Variants in OR3A2 observed in about 807,000 individuals in gnomAD.
OR3A2 encodes olfactory receptor family 3 subfamily A member 2, also known as olfactory receptor 3A2.
For synonymous variants in OR3A2, 126 were observed against 159.3 expected, an observed-to-expected ratio of 0.79 and a Z score of 1.57; for missense variants, 318 against 392.8, an observed-to-expected ratio of 0.81 and a Z score of 1.61.
At chr17:3,384,648 T>C (rs2049763891) in intron 1 of OR3A2, among the ~76,000 whole-genome samples, 1 of 152,146 alleles carries the variant, frequency 6.6e-6, no homozygotes, top group Non-Finnish European at 1.5e-5. Flanking sequence ...GTCAAACTGT[T>C]TGGGGGCAGA....
chr17:3,351,880 A>AT (rs1187589398), intron 2 of OR3A2, among the ~76,000 whole-genome samples: 2 of 151,774 alleles, frequency 1.3e-5, no homozygotes, highest in African/African-American at 4.8e-5. Context: ...ATAACACCGC[A>AT]TATCTACAAC....
intron 3 of OR3A2, among the ~76,000 whole-genome samples, chr17:3,328,058 A>G (rs1272457886): frequency 6.9e-6 from 1 of 145,410 alleles, no homozygotes; most frequent in Non-Finnish European, 1.5e-5. Context: ...TTGGTTCCAT[A>G]TGAACTTTAA....
At chr17:3,292,503 T>G in intron 3 of OR3A2, 1 of 1,613,818 alleles carries the variant, frequency 6.2e-7, no homozygotes, top group Non-Finnish European at 8.5e-7. Flanking sequence ...GACAACTGGC[T>G]GCAGCCCTGG....
intron 2 of OR3A2, among the ~76,000 whole-genome samples, chr17:3,338,655 G>A (rs918766521): frequency 6.6e-6 from 1 of 152,200 alleles, no homozygotes; most frequent in Non-Finnish European, 1.5e-5. Flanking sequence ...CCAGTACCAT[G>A]CTGTTTTGGT....
intron 3 of OR3A2, among the ~76,000 whole-genome samples, chr17:3,294,400 G>T (rs1211738841): frequency 6.6e-6 from 1 of 151,854 alleles, no homozygotes; most frequent in Non-Finnish European, 1.5e-5. Flanking sequence ...TTTAAAAGAT[G>T]ACAAGATGCA....
chr17:3,306,974 C>T (rs150644743), intron 3 of OR3A2, among the ~76,000 whole-genome samples: 39 of 152,320 alleles, frequency 2.6e-4, no homozygotes, highest in African/African-American at 8.7e-4. Context: ...CACACGCACG[C>T]GTGCTTGTGT....
At chr17:3,356,830 T>G (rs1567566398) in intron 2 of OR3A2, among the ~76,000 whole-genome samples, 1 of 151,648 alleles carries the variant, frequency 6.6e-6, no homozygotes, top group Non-Finnish European at 1.5e-5. Flanking sequence ...AACTGTCTCA[T>G]CTTTCTAAAC....
intron 3 of OR3A2, among the ~76,000 whole-genome samples, chr17:3,335,292 T>A (rs2049268505): frequency 2.6e-5 from 4 of 152,196 alleles, no homozygotes. Flanking sequence ...CCATAAATTT[T>A]AAAAAATGTT....
intron 3 of OR3A2, chr17:3,310,928 A>T (rs773332268): frequency 6.4e-6 from 4 of 626,836 alleles, no homozygotes; most frequent in South Asian, 2.7e-5. Flanking sequence ...TTGTAGCAGC[A>T]GCTTTCATGG....
upstream of OR3A2, among the ~76,000 whole-genome samples, chr17:3,284,827 A>G (rs2048798087): frequency 8.6e-6 from 1 of 115,834 alleles, no homozygotes; most frequent in African/African-American, 4.0e-5. Context: ...TTCTAAGGGG[A>G]TATTTTCTTT....
At chr17:3,315,307 A>G (rs1293396904) in intron 3 of OR3A2, among the ~76,000 whole-genome samples, 2 of 152,148 alleles carry the variant, frequency 1.3e-5, no homozygotes, top group Non-Finnish European at 2.9e-5. Flanking sequence ...TCCACCAACA[A>G]CGTAGAAGCG....
intron 1 of OR3A2, among the ~76,000 whole-genome samples, chr17:3,385,558 T>C (rs1380471211): frequency 1.3e-5 from 2 of 152,216 alleles, no homozygotes; most frequent in African/African-American, 4.8e-5. Flanking sequence ...TTATTCACTG[T>C]ATCCAACAAC....
At chr17:3,373,242 T>G (rs2049648463) in intron 2 of OR3A2, among the ~76,000 whole-genome samples, 1 of 152,254 alleles carries the variant, frequency 6.6e-6, no homozygotes, top group South Asian at 2.1e-4. Flanking sequence ...GAATGTTCTA[T>G]GTGCTGATGA....
At chr17:3,350,453 G>A (rs1340266362) in intron 2 of OR3A2, among the ~76,000 whole-genome samples, 35 of 151,596 alleles carry the variant, frequency 2.3e-4, no homozygotes, top group Admixed American at 6.6e-4. Flanking sequence ...TAAATTCCTC[G>A]ACACATACAC....
chr17:3,351,919 C>G (rs961753486), intron 2 of OR3A2, among the ~76,000 whole-genome samples: 50 of 152,008 alleles, frequency 3.3e-4, no homozygotes, highest in Middle Eastern at 3.4e-3. Context: ...CCTGAGAAAA[C>G]CAAGCAATGG....
chr17:3,345,626 A>C (rs2049357749), intron 2 of OR3A2, among the ~76,000 whole-genome samples: 1 of 152,130 alleles, frequency 6.6e-6, no homozygotes, highest in Admixed American at 6.5e-5. Context: ...AATCAACAGA[A>C]GTCTTGTAGT....
chr17:3,344,845 G>A (rs1023740394), intron 2 of OR3A2, among the ~76,000 whole-genome samples: 11 of 152,150 alleles, frequency 7.2e-5, no homozygotes, highest in Admixed American at 5.9e-4. Flanking sequence ...CTCATGCTGA[G>A]CCAACTGGAG....
intron 2 of OR3A2, among the ~76,000 whole-genome samples, chr17:3,356,524 G>C (rs2049467001): frequency 6.6e-6 from 1 of 151,264 alleles, no homozygotes; most frequent in Non-Finnish European, 1.5e-5. Context: ...CAAAAATCTA[G>C]ACACATACAA....
intron 1 of OR3A2, among the ~76,000 whole-genome samples, chr17:3,385,023 C>A (rs1482678678): frequency 1.3e-5 from 2 of 150,122 alleles, no homozygotes; most frequent in Non-Finnish European, 3.0e-5. Context: ...GAAACCCGGT[C>A]TCTACTAAAA....
Sources: allele counts gnomAD v4.1 joint callset (sites outside exome capture counted in the v4.1 genomes callset), GRCh38; gene constraint gnomAD v4.1.1; transcripts MANE v1.5; gene names NCBI Gene and HGNC (gene_info 2026-07-23, HGNC 2026-07-21).